Variants in NPAS3 observed in about 807,000 individuals in gnomAD.
The protein encoded by NPAS3 is neuronal PAS domain protein 3, also known as neuronal PAS domain-containing protein 3.
NPAS3 carries 14 observed loss-of-function variants against 73.1 expected under a neutral mutation model. The observed-to-expected ratio is 0.19, with a 90% CI of 0.13 to 0.30. The LOEUF is 0.30. Among genes scored for constraint, NPAS3 ranks in the 10% least tolerant of loss-of-function variants. The pLI, the probability that NPAS3 is intolerant of heterozygous loss-of-function variation, is 1.00. For missense variants in NPAS3, 1,096 were observed against 1,250.0 expected, an observed-to-expected ratio of 0.88 and a Z score of 1.86; for synonymous variants, 620 against 541.5, an observed-to-expected ratio of 1.14 and a Z score of -2.01.
chr14:33,564,906 G>A (rs1231053819), intron 5 of NPAS3, among the ~76,000 whole-genome samples: 1 of 152,168 alleles, frequency 6.6e-6, no homozygotes, highest in Non-Finnish European at 1.5e-5. Flanking sequence ...CTACGTGCCA[G>A]CTAAAACCTC....
chr14:33,686,012 G>A (rs1224443816), intron 6 of NPAS3, among the ~76,000 whole-genome samples: 1 of 152,156 alleles, frequency 6.6e-6, no homozygotes, highest in East Asian at 1.9e-4. Context: ...TTTATACATA[G>A]TCGACAACTA....
intron 2 of NPAS3, among the ~76,000 whole-genome samples, chr14:33,115,485 T>C (rs769405163): frequency 2.0e-5 from 3 of 152,070 alleles, no homozygotes; most frequent in Non-Finnish European, 4.4e-5. Flanking sequence ...CTTTTCTGAG[T>C]CTGAGATTAT....
At chr14:33,042,572 A>G (rs963267675) in intron 1 of NPAS3, among the ~76,000 whole-genome samples, 3 of 152,156 alleles carry the variant, frequency 2.0e-5, no homozygotes, top group Admixed American at 6.5e-5. Context: ...TCTCTACCCC[A>G]TTCTATTTAA....
chr14:33,358,843 C>T (rs1361232333), intron 3 of NPAS3, among the ~76,000 whole-genome samples: 1 of 152,158 alleles, frequency 6.6e-6, no homozygotes, highest in East Asian at 1.9e-4. Context: ...ATCCCTAGCA[C>T]CTTGGTCAAC....
At chr14:33,694,808 G>T (rs977373955) in intron 6 of NPAS3, among the ~76,000 whole-genome samples, 1 of 152,106 alleles carries the variant, frequency 6.6e-6, no homozygotes, top group Non-Finnish European at 1.5e-5. Context: ...CCACCTAAAT[G>T]AGAAATCCCT....
At chr14:33,339,556 G>A (rs994588898) in intron 3 of NPAS3, among the ~76,000 whole-genome samples, 13 of 152,206 alleles carry the variant, frequency 8.5e-5, no homozygotes, top group Non-Finnish European at 1.8e-4. Flanking sequence ...CTTGTATTGT[G>A]TCTGACTAGT....
chr14:33,575,160 C>G (rs541341852), intron 5 of NPAS3, among the ~76,000 whole-genome samples: 4 of 152,312 alleles, frequency 2.6e-5, no homozygotes, highest in African/African-American at 9.6e-5. Context: ...TGTAGACCAA[C>G]ATATCATGCA....
chr14:33,015,581 C>T (rs973142293), intron 1 of NPAS3, among the ~76,000 whole-genome samples: 8 of 100,908 alleles, frequency 7.9e-5, no homozygotes, highest in Admixed American at 5.7e-4. Flanking sequence ...AATGTAAGGA[C>T]TAACCTTTCT....
chr14:33,548,537 A>G (rs2054955166), intron 4 of NPAS3, among the ~76,000 whole-genome samples: 1 of 152,240 alleles, frequency 6.6e-6, no homozygotes, highest in Non-Finnish European at 1.5e-5. Flanking sequence ...GATTATTGGT[A>G]CAGCAAATCC....
intron 4 of NPAS3, among the ~76,000 whole-genome samples, chr14:33,488,301 G>A (rs547922602): frequency 1.1e-4 from 16 of 152,098 alleles, no homozygotes; most frequent in African/African-American, 3.6e-4. Flanking sequence ...AAGGTGGCAC[G>A]AGATAATTTG....
At chr14:33,322,498 A>C (rs560084600) in intron 3 of NPAS3, among the ~76,000 whole-genome samples, 1 of 144,848 alleles carries the variant, frequency 6.9e-6, no homozygotes, top group Admixed American at 6.7e-5. Flanking sequence ...TGTTACATAC[A>C]TACACATTTG....
At chr14:33,414,951 T>A (rs2048087407) in intron 4 of NPAS3, among the ~76,000 whole-genome samples, 1 of 152,090 alleles carries the variant, frequency 6.6e-6, no homozygotes, top group South Asian at 2.1e-4. Context: ...TGCTCCCCTC[T>A]CCCAATCTCC....
intron 2 of NPAS3, among the ~76,000 whole-genome samples, chr14:33,154,256 C>A (rs113219203): frequency 1.3e-5 from 2 of 152,122 alleles, no homozygotes; most frequent in African/African-American, 4.8e-5. Context: ...GTGGCACTAC[C>A]GCTGGTTTAA....
chr14:33,450,265 G>T (rs988995405), intron 4 of NPAS3, among the ~76,000 whole-genome samples: 1 of 152,154 alleles, frequency 6.6e-6, no homozygotes, highest in South Asian at 2.1e-4. Flanking sequence ...AAACTGAGCC[G>T]CAGTAGGTGC....
At chr14:33,032,707 G>GGTA (rs1249264166) in intron 1 of NPAS3, among the ~76,000 whole-genome samples, 1 of 152,176 alleles carries the variant, frequency 6.6e-6, no homozygotes, top group African/African-American at 2.4e-5. Context: ...GGTCCACAGT[G>GGTA]GTAGCACTGA....
At chr14:33,072,480 C>T (rs573416757) in intron 2 of NPAS3, among the ~76,000 whole-genome samples, 31 of 152,098 alleles carry the variant, frequency 2.0e-4, no homozygotes, top group African/African-American at 5.3e-4. Context: ...TTTTTCTTTA[C>T]GATAGAAATA....
intron 2 of NPAS3, among the ~76,000 whole-genome samples, chr14:33,209,854 G>A (rs148449449): frequency 7.6e-4 from 115 of 152,262 alleles, no homozygotes; most frequent in African/African-American, 2.6e-3. Context: ...AAAAGTTTAC[G>A]TGAAGGTGTT....
chr14:33,679,811 C>A (rs759854684), intron 6 of NPAS3, among the ~76,000 whole-genome samples: 1 of 152,164 alleles, frequency 6.6e-6, no homozygotes, highest in African/African-American at 2.4e-5. Flanking sequence ...ATTGTCTTGT[C>A]CTGACTCAGC....
intron 6 of NPAS3, among the ~76,000 whole-genome samples, chr14:33,730,462 G>A (rs1206036643): frequency 6.6e-6 from 1 of 152,172 alleles, no homozygotes; most frequent in East Asian, 1.9e-4. Flanking sequence ...AGGATTGGCA[G>A]GGGTTCTGCT....
Sources: allele counts gnomAD v4.1 joint callset (sites outside exome capture counted in the v4.1 genomes callset), GRCh38; gene constraint gnomAD v4.1.1; transcripts MANE v1.5; gene names NCBI Gene and HGNC (gene_info 2026-07-23, HGNC 2026-07-21).